Variants in TPO observed in about 807,000 individuals in gnomAD.
The protein encoded by TPO is thyroid peroxidase, also known as thyroid microsomal antigen.
In TPO, 78 loss-of-function variants were observed where a neutral mutation model predicts 96.9. The ratio of observed to expected loss-of-function variants is 0.81; its 90% CI spans 0.67 to 0.97. The LOEUF (loss-of-function observed/expected upper bound fraction) is 0.97, where lower values mean the gene tolerates loss of function less well. Ranked by LOEUF, TPO falls within the 50% of genes least tolerant of loss-of-function variation. TPO has a pLI of 0.00. For missense variants in TPO, 1,252 were observed against 1,274.8 expected (o/e 0.98, Z 0.27); for synonymous variants, 547 against 538.0 (o/e 1.02, Z -0.23).
chr2:1,426,030 T>C (rs1433264722), intron 3 of TPO, among the ~76,000 whole-genome samples: 3 of 138,700 alleles, frequency 2.2e-5, no homozygotes, highest in South Asian at 2.4e-4. Flanking sequence ...CATTTCATAT[T>C]CTCAGAAGTC....
At chr2:1,488,227 G>A (rs1428890068) in intron 10 of TPO, among the ~76,000 whole-genome samples, 3 of 152,150 alleles carry the variant, frequency 2.0e-5, no homozygotes, top group South Asian at 2.1e-4. Flanking sequence ...CGTATGAGCT[G>A]GGACCTTGAG....
chr2:1,537,363 A>G (rs1456157881), intron 15 of TPO, among the ~76,000 whole-genome samples: 1 of 104,232 alleles, frequency 9.6e-6, no homozygotes, highest in Non-Finnish European at 1.9e-5. Flanking sequence ...ACCTCCGCCT[A>G]TCGCCCTACT....
Position 1,467,113 on chromosome 2 carries a change from T to A in TPO, c.820-9973T>A, listed in dbSNP as rs546541667. ...TTGTCATTCAGTTCAAAGAATTTTT[T>A]TTTTTTTGAGATGGAGTTTCGCTCT... On this transcript the variant is annotated intron_variant, in intron 7 of 16. Coordinates refer to ENST00000329066, the MANE Select transcript of TPO (RefSeq NM_001206744.2). 3.6e-3 allele frequency among the ~76,000 whole-genome samples: 542 copies of A among 152,236 alleles called. 20 individuals carry two copies. The South Asian group carries it at 0.091, about 26-fold the overall frequency.
intron 5 of TPO, among the ~76,000 whole-genome samples, chr2:1,450,485 T>G (rs959246238): frequency 2.6e-5 from 4 of 152,346 alleles, no homozygotes; most frequent in South Asian, 2.1e-4. Flanking sequence ...TTGTTCATTT[T>G]GTCAGCTTTA....
chr2:1,414,437 C>T lies in TPO; in HGVS notation c.29C>T (p.Thr10Met), dbSNP rs200164576. The T allele has an allele frequency of 2.2e-5, 36 of 1,613,948 alleles. No individual in the cohort carries two copies. The African/African-American group carries it at 2.5e-4, about 11-fold the overall frequency. The change falls in exon 2 of 17, where the codon ACG becomes ATG. Residue 10 changes from threonine to methionine, a missense_variant. Transcript: ENST00000329066. ...AGAGCGCTCGCTGTGCTGTCTGTCA[C>T]GCTGGTTATGGCCTGCACAGAAGCC... MRALAVLSVTLVMACTEAFF... is the reference protein window; with the variant it reads MRALAVLSVMLVMACTEAFF...
At chr2:1,401,307 G>C (rs562882532) in intron 1 of TPO, among the ~76,000 whole-genome samples, 1 of 152,366 alleles carries the variant, frequency 6.6e-6, no homozygotes, top group Admixed American at 6.5e-5. Flanking sequence ...GTTCAGAGAA[G>C]AGCGAGGGCA....
intron 15 of TPO, among the ~76,000 whole-genome samples, chr2:1,522,748 G>A (rs888675596): frequency 3.8e-5 from 5 of 131,052 alleles, no homozygotes; most frequent in Non-Finnish European, 8.1e-5. Context: ...CTGTATGCAA[G>A]GTCCTCAAAT....
chr2:1,487,982 G>A lies in TPO; in HGVS notation c.1759G>A (p.Gly587Arg), dbSNP rs770562452. Residue 587 changes from glycine (G) to arginine (R), a missense_variant, in exon 10 of 17, where the codon GGG (glycine) becomes AGG (arginine). Gly to Arg is a moderately radical substitution (Grantham distance 125, BLOSUM62 -2). Transcript: ENST00000329066. ...CAACCTGCAGAGGGGCCGGGACCACGGGCTGCCAGGTCTGCCAGTTCCTTC... is the reference window on the plus strand; with the variant it reads ...CAACCTGCAGAGGGGCCGGGACCACAGGCTGCCAGGTCTGCCAGTTCCTTC... ...SINLQRGRDH[G>R]LPGYNEWREF... The A allele has an allele frequency of 1.8e-5, 29 of 1,612,952 alleles. No homozygotes were observed. Among genetic ancestry groups the A allele is most frequent in the East Asian group, 2.2e-5 (1 of 44,882 alleles).
Position 1,430,079 on chromosome 2 carries a change from G to A in TPO, c.180-3359G>A, listed in dbSNP as rs74628438. 9.5e-4 allele frequency among the ~76,000 whole-genome samples: 144 copies of A among 152,302 alleles called. 4 individuals carry two copies. In the East Asian group the frequency reaches 0.017, roughly 18 times the overall value. On this transcript the variant is annotated intron_variant, in intron 3 of 16. Coordinates refer to ENST00000329066, the MANE Select transcript of TPO (RefSeq NM_001206744.2). ...TCCAAGACAACAGGAAAAGGGCCTCGAAGAAAGCATGGTATAAGTCCTCAG... is the reference window on the plus strand; with the variant it reads ...TCCAAGACAACAGGAAAAGGGCCTCAAAGAAAGCATGGTATAAGTCCTCAG...
chr2:1,487,064 G>A (rs772126665), intron 9 of TPO, among the ~76,000 whole-genome samples: 2 of 152,208 alleles, frequency 1.3e-5, no homozygotes, highest in African/African-American at 4.8e-5. Context: ...GAGATAGACC[G>A]ACCCTGACAG....
In TPO at chr2:1,496,854, A is replaced by T. The variant is rs1672406621; in HGVS notation, c.2386+89A>T. 4 of 1,587,820 alleles carry T rather than the reference A, an allele frequency of 2.5e-6. No homozygotes were observed. In the East Asian group the frequency reaches 8.9e-5, roughly 36 times the overall value. Reference sequence around the variant, plus strand: ...CAATGTCATTGAAAATTTCTTCGCCAAAAGGTGCTTCTGAAACTGTTATCT... The same window carrying T: ...CAATGTCATTGAAAATTTCTTCGCCTAAAGGTGCTTCTGAAACTGTTATCT... On this transcript the variant is annotated intron_variant, in intron 13 of 16. Coordinates refer to ENST00000329066, the MANE Select transcript of TPO (RefSeq NM_001206744.2).
chr2:1,509,705 C>A (rs1391848164), intron 14 of TPO, among the ~76,000 whole-genome samples: 5 of 50,946 alleles, frequency 9.8e-5, no homozygotes, highest in African/African-American at 4.7e-4. Context: ...AGGCACACCC[C>A]CCTTCTTCTG....
At chr2:1,521,499 C>T (rs1465147473) in intron 15 of TPO, among the ~76,000 whole-genome samples, 3 of 152,118 alleles carry the variant, frequency 2.0e-5, no homozygotes, top group African/African-American at 7.2e-5. Flanking sequence ...GGACCCTCCT[C>T]CCCCAGGGCC....
chr2:1,504,012 C>G lies in TPO; in HGVS notation c.2451C>G (p.Thr817=). The change falls in exon 14 of 17, where the codon ACC becomes ACG. Residue 817 remains threonine (T), a synonymous_variant. Transcript: ENST00000329066. ...ACGCCTCTGCGAGGTGCAGAAACACCAAAGGCGGCTTCCAGTGTCTCTGCG... is the reference window on the plus strand; with the variant it reads ...ACGCCTCTGCGAGGTGCAGAAACACGAAAGGCGGCTTCCAGTGTCTCTGCG... The part of the protein sequence containing the change: ...PCHASARCRN[T]KGGFQCLCAD... 6.2e-7 allele frequency: 1 copy of G among 1,614,226 alleles called. No individual in the cohort carries two copies.
At chr2:1,500,519 G>A (rs1672768792) in intron 13 of TPO, among the ~76,000 whole-genome samples, 1 of 152,150 alleles carries the variant, frequency 6.6e-6, no homozygotes, top group Admixed American at 6.5e-5. Flanking sequence ...AAGCACTCAA[G>A]GAGATCCTCA....
At chr2:1,463,323 A>G (rs1668615862) in intron 7 of TPO, among the ~76,000 whole-genome samples, 1 of 152,222 alleles carries the variant, frequency 6.6e-6, no homozygotes, top group African/African-American at 2.4e-5. Flanking sequence ...CGTATACTCT[A>G]GGAGTAGCTC....
chr2:1,498,947 T>C (rs999349963), intron 13 of TPO, among the ~76,000 whole-genome samples: 4 of 152,088 alleles, frequency 2.6e-5, no homozygotes, highest in African/African-American at 9.7e-5. Flanking sequence ...TGGCAGGTGC[T>C]TCAGGGTATA....
chr2:1,532,111 T>TG (rs1678414102), intron 15 of TPO, among the ~76,000 whole-genome samples: 1 of 33,806 alleles, frequency 3.0e-5, no homozygotes. Flanking sequence ...CCCCCACAAA[T>TG]CCCCCCACTG....
intron 15 of TPO, among the ~76,000 whole-genome samples, chr2:1,523,444 C>G (rs1279039084): frequency 6.8e-6 from 1 of 148,008 alleles, no homozygotes; most frequent in Non-Finnish European, 1.5e-5. Context: ...CCAAATTACC[C>G]CCACTGTGTG....
Sources: allele counts gnomAD v4.1 joint callset (sites outside exome capture counted in the v4.1 genomes callset), GRCh38; gene constraint gnomAD v4.1.1; transcripts MANE v1.5; gene names NCBI Gene and HGNC (gene_info 2026-07-23, HGNC 2026-07-21).